BANP: variants seen among roughly 807,000 people sequenced by gnomAD.
BANP encodes BTG3 associated nuclear protein, also known as protein BANP.
BANP carries 11 observed loss-of-function variants against 68.1 expected under a neutral mutation model. The observed-to-expected ratio is 0.16, with a 90% confidence interval of 0.10 to 0.27. The LOEUF is 0.27. Among genes scored for constraint, BANP ranks in the 10% least tolerant of loss-of-function variants. The pLI is 1.00. For synonymous variants in BANP, 329 were observed against 303.2 expected (o/e 1.09, Z -0.88); for missense variants, 504 against 722.7 (o/e 0.70, Z 3.47).
At chr16:88,050,197 C>T (rs779299400) in intron 11 of BANP, among the ~76,000 whole-genome samples, 1 of 152,234 alleles carries the variant, frequency 6.6e-6, no homozygotes, top group Admixed American at 6.5e-5. Flanking sequence ...CGCCCTGTTG[C>T]TCAGGCTGGA....
chr16:87,996,403 G>A (rs896717534), intron 4 of BANP, among the ~76,000 whole-genome samples: 1 of 152,002 alleles, frequency 6.6e-6, no homozygotes, highest in African/African-American at 2.4e-5. Flanking sequence ...CTGGGCCCTC[G>A]TCCGGGTGCC....
At chr16:87,965,328 A>G (rs2059832663) in intron 1 of BANP, among the ~76,000 whole-genome samples, 1 of 151,602 alleles carries the variant, frequency 6.6e-6, no homozygotes. Context: ...AGCACTGAAA[A>G]TGGAGACCGC....
intron 11 of BANP, among the ~76,000 whole-genome samples, chr16:88,042,407 C>G (rs566768672): frequency 6.6e-6 from 1 of 152,210 alleles, no homozygotes; most frequent in Non-Finnish European, 1.5e-5. Context: ...CAGGAGCGCT[C>G]ACTTCCTCTC....
chr16:88,066,916 G>T (rs2088802073), intron 12 of BANP, among the ~76,000 whole-genome samples: 1 of 152,250 alleles, frequency 6.6e-6, no homozygotes, highest in Admixed American at 6.5e-5. Flanking sequence ...GCGAGGCTGG[G>T]TGACTCTGCT....
At chr16:88,068,993 A>C (rs1348919160) in intron 12 of BANP, among the ~76,000 whole-genome samples, 1 of 147,200 alleles carries the variant, frequency 6.8e-6, no homozygotes, top group African/African-American at 2.5e-5. Flanking sequence ...CTGCCCCTGC[A>C]CCCAGCCCAG....
chr16:88,059,477 T>A (rs1273537498), intron 11 of BANP, among the ~76,000 whole-genome samples: 2 of 152,174 alleles, frequency 1.3e-5, no homozygotes, highest in Non-Finnish European at 2.9e-5. Context: ...AGACCCTGTT[T>A]TCAATTAAGC....
chr16:88,008,030 C>G (rs2071770983), intron 6 of BANP, among the ~76,000 whole-genome samples: 1 of 152,200 alleles, frequency 6.6e-6, no homozygotes, highest in African/African-American at 2.4e-5. Context: ...CAGTCACTTT[C>G]CATTCTCCCA....
rs1303983384 is a variant in BANP, at chr16:87,957,459, G to A, written c.-69+5944G>A. ...GTTGAGACCGGATCCTGTGTGGACC[G>A]GGTGGGCTGGTGTGGAGTCCTGTCA... On this transcript the variant is annotated intron_variant, in intron 1 of 13. Transcript: ENST00000682872. The surrounding 1 kb of genome is among the most constrained non-coding windows in gnomAD (Gnocchi z 4.3). Among the ~76,000 whole-genome samples the A allele has an allele frequency of 2.6e-5, 4 of 152,102 alleles. No individual in the cohort carries two copies. Among genetic ancestry groups the A allele is most frequent in the Admixed American group, 1.3e-4 (2 of 15,274 alleles).
chr16:88,007,502 C>T (rs1312109527), intron 6 of BANP, among the ~76,000 whole-genome samples: 1 of 152,222 alleles, frequency 6.6e-6, no homozygotes, highest in Non-Finnish European at 1.5e-5. Context: ...CCTCTGTGTG[C>T]CCTTCATCCT....
intron 1 of BANP, among the ~76,000 whole-genome samples, chr16:87,955,085 G>A (rs1024323981): frequency 4.6e-5 from 7 of 152,220 alleles, no homozygotes; most frequent in African/African-American, 1.7e-4. Context: ...TTGGCTCCTC[G>A]CTGGGTCAGT....
chr16:87,955,844 A>T (rs1272351083), intron 1 of BANP, among the ~76,000 whole-genome samples: 1 of 152,202 alleles, frequency 6.6e-6, no homozygotes, highest in African/African-American at 2.4e-5. Flanking sequence ...ATGCAGTCTC[A>T]TCATGAGAAA....
At chr16:87,951,651 G>T (rs934204267) in intron 1 of BANP, 136 bp downstream of exon 1, 3 of 147,642 alleles carry the variant, frequency 2.0e-5, no homozygotes, top group Admixed American at 6.8e-5. Flanking sequence ...GCCGCCAACC[G>T]CCCGGGCCGG....
chr16:87,970,727 A>G (rs565126213), intron 1 of BANP, among the ~76,000 whole-genome samples: 1 of 152,226 alleles, frequency 6.6e-6, no homozygotes, highest in African/African-American at 2.4e-5. Context: ...GTCCTCAGAC[A>G]GAACTCTACC....
At chr16:88,039,050 G>A (rs1188149221) in intron 11 of BANP, among the ~76,000 whole-genome samples, 2 of 152,204 alleles carry the variant, frequency 1.3e-5, no homozygotes, top group African/African-American at 4.8e-5. Context: ...TACACAGAGC[G>A]GGACAGAAGG....
At chr16:88,060,841 CTCT>C (rs1200680518) in intron 11 of BANP, among the ~76,000 whole-genome samples, 6 of 152,122 alleles carry the variant, frequency 3.9e-5, no homozygotes, top group African/African-American at 1.4e-4. Flanking sequence ...TTTCTTCCCA[CTCT>C]TCGTCGTCCC....
intron 12 of BANP, among the ~76,000 whole-genome samples, chr16:88,068,542 G>A (rs2089423090): frequency 6.6e-6 from 1 of 152,218 alleles, no homozygotes; most frequent in Non-Finnish European, 1.5e-5. Context: ...GGCCAGGAGT[G>A]TGCCTGTGCT....
intron 3 of BANP, among the ~76,000 whole-genome samples, chr16:87,983,777 A>G (rs1228141078): frequency 3.3e-5 from 5 of 152,348 alleles, no homozygotes; most frequent in Middle Eastern, 3.4e-3. Flanking sequence ...ATTAAAGTAC[A>G]TTTTTAAAAT....
intron 11 of BANP, among the ~76,000 whole-genome samples, chr16:88,042,881 C>T (rs1284636868): frequency 5.3e-5 from 8 of 152,160 alleles, no homozygotes; most frequent in Non-Finnish European, 8.8e-5. Context: ...TGTGCCACTG[C>T]ATTCCAGCCT....
intron 9 of BANP, 176 bp from the exon 10 acceptor site, chr16:88,035,147 G>A: frequency 1.5e-6 from 1 of 662,356 alleles, no homozygotes. Context: ...GGGGACTACT[G>A]TGAACCAAAA....
Sources: allele counts gnomAD v4.1 joint callset (sites outside exome capture counted in the v4.1 genomes callset), GRCh38; gene constraint gnomAD v4.1.1; non-coding constraint Gnocchi (gnomAD v3.1); transcripts MANE v1.5; gene names NCBI Gene and HGNC (gene_info 2026-07-23, HGNC 2026-07-21).